HTR3E: variants seen among roughly 807,000 people sequenced by gnomAD.
HTR3E encodes 5-hydroxytryptamine (serotonin) receptor 3, family member E.
HTR3E carries 38 observed loss-of-function variants against 38.0 expected under a neutral mutation model. The observed-to-expected ratio is 1.00, with a 90% confidence interval of 0.77 to 1.31. The LOEUF (loss-of-function observed/expected upper bound fraction) is 1.31. HTR3E is among the 50% of genes most tolerant of loss of function. The pLI, the probability that HTR3E is intolerant of heterozygous loss-of-function variation, is 0.00. For synonymous variants in HTR3E, 210 were observed against 232.9 expected, an observed-to-expected ratio of 0.90 and a Z score of 0.89; for missense variants, 547 against 585.2, an observed-to-expected ratio of 0.93 and a Z score of 0.67.
intron 1 of HTR3E, among the ~76,000 whole-genome samples, chr3:184,099,103 T>C (rs1252893727): frequency 6.6e-6 from 1 of 151,494 alleles, no homozygotes; most frequent in Non-Finnish European, 1.5e-5. Context: ...CTTCTAAAAA[T>C]AGCTATGTGG....
chr3:184,099,905 G>A (rs1210414279), intron 1 of HTR3E, among the ~76,000 whole-genome samples: 1 of 152,132 alleles, frequency 6.6e-6, no homozygotes, highest in Non-Finnish European at 1.5e-5. Flanking sequence ...CCCCGGGACT[G>A]TAATCCTATC....
chr3:184,103,492 G>A (rs563513971), intron 3 of HTR3E, among the ~76,000 whole-genome samples: 24 of 152,126 alleles, frequency 1.6e-4, no homozygotes, highest in Admixed American at 9.8e-4. Flanking sequence ...AGCCAGGCGT[G>A]GTGGCAGGCG....
intron 2 of HTR3E, 71 bp downstream of exon 2, chr3:184,100,722 C>T: frequency 7.0e-6 from 11 of 1,561,682 alleles, no homozygotes; most frequent in Non-Finnish European, 9.5e-6. Flanking sequence ...AGTGGCCCCC[C>T]AAAGCCCTTA....
Position 184,100,642 on chromosome 3 carries a change from C to G in HTR3E, c.225C>G (p.Ile75Met). ...QVNISFAMSAILDVNEQLHLL... is the reference protein window; with the variant it reads ...QVNISFAMSAMLDVNEQLHLL... ...ACATCTCCTTCGCGATGTCTGCCAT[C>G]CTAGATGTGGTGAGTGCTGACCTCT... Residue 75 changes from isoleucine to methionine, a missense_variant, in exon 2 of 9, where the codon ATC (isoleucine) becomes ATG (methionine). Physicochemically the swap from Ile to Met is conservative, Grantham distance 10. Transcript: ENST00000415389. 6.2e-7 allele frequency: 1 copy of G among 1,613,904 alleles called. No individual in the cohort carries two copies. The highest frequency in any genetic ancestry group is 8.5e-7 in the Non-Finnish European group (1 of 1,179,890).
intron 4 of HTR3E, 75 bp downstream of exon 4, chr3:184,104,366 C>T: frequency 6.5e-7 from 1 of 1,544,368 alleles, no homozygotes; most frequent in South Asian, 1.2e-5. Flanking sequence ...CCATTGGGGC[C>T]ACTGTAAGTG....
rs1160651858 is a variant in HTR3E at position 184,097,515 on chromosome 3, A to G, written c.-15A>G. On this transcript the variant is annotated 5_prime_UTR_variant, in exon 1 of 9. Coordinates refer to ENST00000415389, the MANE Select transcript of HTR3E (RefSeq NM_001256613.2). ...GGTCCCAGTACATGTTCAGAGAAGA[A>G]CTTAGACAAAGAAGATGGAAGGAAG... The G allele has an allele frequency of 2.0e-6, 3 of 1,533,412 alleles. No individual in the cohort carries two copies. Among genetic ancestry groups the G allele is most frequent in the Non-Finnish European group, 2.6e-6 (3 of 1,144,594 alleles). 95.0% of individuals were successfully genotyped at this position (1,533,412 alleles called of 1,614,324 possible). A position where few individuals can be genotyped will look rare whatever the true frequency, so the allele number is the denominator to read the frequency against.
intron 1 of HTR3E, among the ~76,000 whole-genome samples, chr3:184,099,740 A>AAAAAC (rs1560093087): frequency 0.013 from 697 of 53,126 alleles, 25 homozygotes; most frequent in African/African-American, 0.067. Flanking sequence ...AAAAAAAAAA[A>AAAAAC]GAAAGAAATA....
intron 6 of HTR3E, 138 bp from the exon 7 acceptor site, chr3:184,105,627 T>G: frequency 1.1e-6 from 1 of 925,302 alleles, no homozygotes; most frequent in Non-Finnish European, 1.7e-6. Flanking sequence ...ATTCTAAAGC[T>G]GCATTCCCCA....
In HTR3E at chr3:184,106,047, G is replaced by A. The variant is rs561507879; in HGVS notation, c.925+78G>A. ...GGAGGTATTTTGGAAAAAGGAGGCC[G>A]TATGCCTGCCAGGGTGGGATTGGAA... On this transcript the variant is annotated intron_variant, in intron 7 of 8. Coordinates refer to ENST00000415389, the MANE Select transcript of HTR3E (RefSeq NM_001256613.2). The surrounding 1 kb of genome is among the most constrained non-coding windows in gnomAD (Gnocchi z 4.1). The A allele has an allele frequency of 2.3e-4, 371 of 1,607,514 alleles. No individual in the cohort carries two copies. The highest frequency in any genetic ancestry group is 2.9e-4 in the Non-Finnish European group (340 of 1,175,104).
rs143856984 is a variant in HTR3E at position 184,105,963 on chromosome 3, C to A, written c.919C>A (p.Leu307Ile). The change falls in exon 7 of 9, where the codon CTC becomes ATC. Residue 307 changes from leucine (L) to isoleucine (I), a missense_variant. Transcript: ENST00000415389. ...CTTGCTCCCCACCAGTGGCACCCCC[C>A]TCATCGGTATGGCTCCTCCCACCTT... The part of the protein sequence containing the change: ...SDLLPTSGTP[L>I]IGVYFALCLS... 3.1e-6 allele frequency: 5 copies of A among 1,614,174 alleles called. No individual in the cohort carries two copies. Among genetic ancestry groups the A allele is most frequent in the Non-Finnish European group, 4.2e-6 (5 of 1,180,016 alleles).
chr3:184,105,518 G>C, intron 6 of HTR3E, 91 bp downstream of exon 6: 1 of 1,384,052 alleles, frequency 7.2e-7, no homozygotes, highest in Non-Finnish European at 9.8e-7. Context: ...AAGTTTCAGG[G>C]TCTCCCAATG....
At chr3:184,099,734 A>G (rs1262646364) in intron 1 of HTR3E, among the ~76,000 whole-genome samples, 1 of 144,788 alleles carries the variant, frequency 6.9e-6, no homozygotes, top group Non-Finnish European at 1.5e-5. Context: ...AAAAAAAAAA[A>G]AAAAAAGAAA....
At position 184,100,484 on chromosome 3, in the gene HTR3E, G is replaced by A. The variant is rs1165586266; in HGVS notation, c.68-1G>A. ...TCTCACACATTCGATGTCCACTACA[G>A]GAAGGGGCGTTACTTTCACCATCAA... On this transcript the variant is annotated splice_acceptor_variant, in intron 1 of 8. Transcript: ENST00000415389. LOFTEE classifies it high-confidence loss of function. The A allele has an allele frequency of 1.2e-6, 2 of 1,614,022 alleles. No individual in the cohort carries two copies. The highest frequency in any genetic ancestry group is 1.3e-5 in the African/African-American group (1 of 74,926).
Position 184,106,010 on chromosome 3 carries a change from T to C in HTR3E, c.925+41T>C, listed in dbSNP as rs1049617482. The C allele has an allele frequency of 3.7e-6, 6 of 1,612,030 alleles. No homozygotes were observed. In the Admixed American group the frequency reaches 8.3e-5, roughly 22 times the overall value. Reference sequence around the variant, plus strand: ...CCTTTTGGAAGAGAAGGGTGGGAACTAACTCAGGAAGGGAGGTATTTTGGA... The same window carrying C: ...CCTTTTGGAAGAGAAGGGTGGGAACCAACTCAGGAAGGGAGGTATTTTGGA... On this transcript the variant is annotated intron_variant, in intron 7 of 8. Coordinates refer to ENST00000415389, the MANE Select transcript of HTR3E (RefSeq NM_001256613.2). This position sits in a 1 kb window ranked among gnomAD's most constrained non-coding sequence, Gnocchi z 4.1.
At chr3:184,105,038 AG>A (rs1457620232) in intron 5 of HTR3E, 82 bp downstream of exon 5, 2 of 1,396,516 alleles carry the variant, frequency 1.4e-6, no homozygotes, top group Non-Finnish European at 2.0e-6. Context: ...ATGGTGACCA[AG>A]GAGTATGGGT....
chr3:184,106,748 G>A lies in HTR3E; in HGVS notation c.*55G>A. ...GAGCTTCTCTTGCCTCCAGGGACTG[G>A]CCAGGTCTCCCCCCTTTCCTGAGTA... is the stretch of plus-strand genomic sequence containing the variant. On this transcript the variant is annotated 3_prime_UTR_variant, in exon 9 of 9. Transcript: ENST00000415389. This position sits in a 1 kb window ranked among gnomAD's most constrained non-coding sequence, Gnocchi z 4.1. 6.4e-7 allele frequency: 1 copy of A among 1,573,880 alleles called. No individual in the cohort carries two copies. The highest frequency in any genetic ancestry group is 1.4e-5 in the African/African-American group (1 of 74,054).
chr3:184,099,575 G>A (rs372230088), intron 1 of HTR3E, among the ~76,000 whole-genome samples: 11 of 150,912 alleles, frequency 7.3e-5, no homozygotes, highest in South Asian at 2.1e-4. Context: ...TTAGCCGGGC[G>A]CGGTGGCGGG....
intron 3 of HTR3E, 132 bp from the exon 4 acceptor site, chr3:184,104,050 G>C (rs924802022): frequency 1.9e-5 from 10 of 516,738 alleles, no homozygotes; most frequent in Non-Finnish European, 2.8e-5. Context: ...CACAAAGTTG[G>C]GTTGTAAATA....
At chr3:184,100,395 G>T (rs751429162) in intron 1 of HTR3E, 90 bp from the exon 2 acceptor site, 1 of 1,613,774 alleles carries the variant, frequency 6.2e-7, no homozygotes, top group South Asian at 1.1e-5. Context: ...ATTTTATCAC[G>T]GGCGACCCCA....
Sources: allele counts gnomAD v4.1 joint callset (sites outside exome capture counted in the v4.1 genomes callset), GRCh38; gene constraint gnomAD v4.1.1; non-coding constraint Gnocchi (gnomAD v3.1); transcripts MANE v1.5; gene names NCBI Gene and HGNC (gene_info 2026-07-23, HGNC 2026-07-21).